Variants in INSYN2A observed in about 807,000 individuals in gnomAD.
INSYN2A encodes the protein family with sequence similarity 196 member A.
A neutral mutation model predicts 39.4 loss-of-function variants in INSYN2A; 17 were observed. The observed-to-expected ratio is 0.43, with a 90% confidence interval of 0.30 to 0.65. INSYN2A has a LOEUF of 0.65. Ranked by LOEUF, INSYN2A falls within the 30% of genes least tolerant of loss-of-function variation. The probability of loss-of-function intolerance (pLI) is 0.14; values close to 1 mark genes in which losing one functional copy is unlikely to be tolerated. For synonymous variants in INSYN2A, 255 were observed against 265.7 expected (o/e 0.96, Z 0.39); for missense variants, 595 against 631.2 (o/e 0.94, Z 0.61).
At chr10:127,172,843 G>T (rs2054705042) in intron 4 of INSYN2A, among the ~76,000 whole-genome samples, 1 of 152,168 alleles carries the variant, frequency 6.6e-6, no homozygotes, top group Admixed American at 6.5e-5. Context: ...CTGGGATACC[G>T]GAGTGAATGA....
chr10:127,181,670 A>C (rs1311614795), intron 2 of INSYN2A, among the ~76,000 whole-genome samples: 1 of 152,208 alleles, frequency 6.6e-6, no homozygotes, highest in Non-Finnish European at 1.5e-5. Flanking sequence ...TCCATATGCC[A>C]AGGGGGTGCC....
Position 127,176,400 on chromosome 10 carries a change from C to T in INSYN2A, c.-5G>A. ...GCCGGTGTCCTTACTGACCATGGTTCCTGCATTCAGAAACAGCAACAGAGG... is the reference window on the plus strand; with the variant it reads ...GCCGGTGTCCTTACTGACCATGGTTTCTGCATTCAGAAACAGCAACAGAGG... On this transcript the variant is annotated splice_region_variant and 5_prime_UTR_variant, in exon 4 of 6. Coordinates refer to ENST00000522781, the MANE Select transcript of INSYN2A (RefSeq NM_001039762.3). The surrounding 1 kb of genome is among the most constrained non-coding windows in gnomAD (Gnocchi z 4.4). 2 of 1,592,640 alleles carry T rather than the reference C, an allele frequency of 1.3e-6. No individual in the cohort carries two copies. The highest frequency in any genetic ancestry group is 1.7e-6 in the Non-Finnish European group (2 of 1,170,068).
intron 1 of INSYN2A, 24 bp from the exon 2 acceptor site, chr10:127,192,754 A>G (rs578108748): frequency 3.3e-4 from 51 of 152,336 alleles, no homozygotes; most frequent in African/African-American, 1.1e-3. Context: ...ATTATCACAC[A>G]TGGTCCAAAG....
At chr10:127,147,304 T>C (rs2051970831) in intron 5 of INSYN2A, among the ~76,000 whole-genome samples, 1 of 152,120 alleles carries the variant, frequency 6.6e-6, no homozygotes, top group African/African-American at 2.4e-5. Flanking sequence ...TGGCTGTTTG[T>C]CCTCCTAGTT....
chr10:127,161,330 C>CAA (rs2053576875), intron 4 of INSYN2A, among the ~76,000 whole-genome samples: 1 of 152,148 alleles, frequency 6.6e-6, no homozygotes, highest in African/African-American at 2.4e-5. Context: ...CAGGATCACC[C>CAA]CTTCATTAGT....
intron 4 of INSYN2A, among the ~76,000 whole-genome samples, chr10:127,154,580 T>C (rs904265128): frequency 3.3e-4 from 51 of 152,254 alleles, no homozygotes; most frequent in African/African-American, 1.1e-3. Context: ...TGCAAATCCC[T>C]GAACATTTAC....
At chr10:127,139,027 CT>C (rs1239562676) in intron 5 of INSYN2A, among the ~76,000 whole-genome samples, 1 of 152,156 alleles carries the variant, frequency 6.6e-6, no homozygotes, top group Non-Finnish European at 1.5e-5. Flanking sequence ...CCTGTCCCTC[CT>C]TGGGACCTCT....
intron 2 of INSYN2A, among the ~76,000 whole-genome samples, chr10:127,181,348 C>T (rs191765448): frequency 1.3e-5 from 2 of 152,282 alleles, no homozygotes; most frequent in East Asian, 3.9e-4. Context: ...TGTGGGGTTC[C>T]ATTAGCTGCC....
chr10:127,179,996 T>G (rs2055573645), intron 2 of INSYN2A, among the ~76,000 whole-genome samples: 1 of 152,214 alleles, frequency 6.6e-6, no homozygotes, highest in Admixed American at 6.5e-5. Flanking sequence ...TTTTGGGATT[T>G]TTTGCAACTT....
intron 5 of INSYN2A, among the ~76,000 whole-genome samples, chr10:127,153,233 T>C (rs1892137): frequency 0.71 from 108,422 of 152,240 alleles, 43,253 homozygotes; most frequent in South Asian, 0.9. Flanking sequence ...GTTTTGACTA[T>C]ATCTTAAAAT....
chr10:127,187,748 GAGAAAGAGAGAA>G (rs1297951785), intron 2 of INSYN2A, among the ~76,000 whole-genome samples: 2 of 39,944 alleles, frequency 5.0e-5, no homozygotes, highest in Admixed American at 3.0e-4. Context: ...GAAAGAAAGA[GAGAAAGAGAGAA>G]AGAAAGAAAA....
chr10:127,182,587 T>A (rs984800958), intron 2 of INSYN2A, among the ~76,000 whole-genome samples: 6 of 152,236 alleles, frequency 3.9e-5, no homozygotes, highest in African/African-American at 1.2e-4. Context: ...AATTTTATGA[T>A]GTTGGTGAAA....
chr10:127,178,809 G>C (rs148807727), intron 2 of INSYN2A, among the ~76,000 whole-genome samples: 1 of 152,178 alleles, frequency 6.6e-6, no homozygotes, highest in Non-Finnish European at 1.5e-5. Context: ...GGGACAAGGC[G>C]TGCCTGCTCA....
At chr10:127,170,525 T>C (rs533161333) in intron 4 of INSYN2A, among the ~76,000 whole-genome samples, 121 of 152,342 alleles carry the variant, frequency 7.9e-4, no homozygotes, top group African/African-American at 2.8e-3. Flanking sequence ...CACCAGCCAA[T>C]GGACACTTCA....
intron 4 of INSYN2A, among the ~76,000 whole-genome samples, chr10:127,162,953 A>G (rs1031425318): frequency 1.3e-5 from 2 of 152,142 alleles, no homozygotes; most frequent in African/African-American, 4.8e-5. Context: ...GAGTCACAGA[A>G]CCCTGAACAG....
chr10:127,170,438 T>C (rs2054463926), intron 4 of INSYN2A, among the ~76,000 whole-genome samples: 1 of 152,228 alleles, frequency 6.6e-6, no homozygotes, highest in African/African-American at 2.4e-5. Context: ...ATTCTGATCA[T>C]GTGCTTGATA....
At position 127,187,477 on chromosome 10, in the gene INSYN2A, T is replaced by G. The variant is rs141542096; in HGVS notation, c.-269+5128A>C. 2.8e-4 allele frequency among the ~76,000 whole-genome samples: 42 copies of G among 152,334 alleles called. No homozygotes were observed. The East Asian group carries it at 7.1e-3, about 26-fold the overall frequency. On this transcript the variant is annotated intron_variant, in intron 2 of 5. Transcript: ENST00000522781. ...TGTATGCTTTCGCCTTCTTGAAGCT[T>G]TGGAGGAGAGCATAGGTGTGGATGA...
Position 127,176,436 on chromosome 10 carries a change from A to C in INSYN2A, c.-5-36T>G, listed in dbSNP as rs766850142. On this transcript the variant is annotated intron_variant, in intron 3 of 5. Coordinates refer to ENST00000522781, the MANE Select transcript of INSYN2A (RefSeq NM_001039762.3). The surrounding 1 kb of genome is among the most constrained non-coding windows in gnomAD (Gnocchi z 4.4). ...AAACAGCAACAGAGGTGTCAGTGGG[A>C]CAGAAATACACACTCAAGCACCGGC... The C allele has an allele frequency of 6.6e-7, 1 of 1,519,130 alleles. No individual in the cohort carries two copies. The allele number at this position is 1,519,130 out of a possible 1,614,324, so 94.1% of individuals were successfully genotyped here. A position where few individuals can be genotyped will look rare whatever the true frequency, so the allele number is the denominator to read the frequency against.
At chr10:127,141,683 A>C (rs1352681427) in intron 5 of INSYN2A, among the ~76,000 whole-genome samples, 1 of 152,204 alleles carries the variant, frequency 6.6e-6, no homozygotes, top group South Asian at 2.1e-4. Flanking sequence ...AAACAAAAAA[A>C]AAAAAAAAGC....
Sources: allele counts gnomAD v4.1 joint callset (sites outside exome capture counted in the v4.1 genomes callset), GRCh38; gene constraint gnomAD v4.1.1; non-coding constraint Gnocchi (gnomAD v3.1); transcripts MANE v1.5; gene names NCBI Gene and HGNC (gene_info 2026-07-23, HGNC 2026-07-21).